The following IMPA1 variants were observed in gnomAD, a reference collection of about 807,000 sequenced individuals.
IMPA1 encodes the protein inositol monophosphatase 1, also known as D-galactose 1-phosphate phosphatase.
In IMPA1, 21 loss-of-function variants were observed where a neutral mutation model predicts 34.9. The ratio of observed to expected loss-of-function variants is 0.60; its 90% CI spans 0.43 to 0.87. The LOEUF is 0.87. Among genes scored for constraint, IMPA1 ranks in the 40% least tolerant of loss-of-function variants. The pLI is 0.00. For synonymous variants in IMPA1, 95 were observed against 104.4 expected (o/e 0.91, Z 0.55); for missense variants, 299 against 336.4 (o/e 0.89, Z 0.87).
intron 7 of IMPA1, among the ~76,000 whole-genome samples, chr8:81,670,028 G>A (rs1806942781): frequency 6.6e-6 from 1 of 152,148 alleles, no homozygotes; most frequent in East Asian, 1.9e-4. Flanking sequence ...CAGCAAGAAG[G>A]CCCTCATCAG....
rs1355915988 is a variant in IMPA1, at chr8:81,658,057, C to T, written c.*1294G>A. On this transcript the variant is annotated 3_prime_UTR_variant, in exon 9 of 9. Coordinates refer to ENST00000256108, the MANE Select transcript of IMPA1 (RefSeq NM_005536.4). ...AGATGTTTTAAGTACATGTGATCAA[C>T]AGTACAAATAATTATAGCAGTCAAA... 6.6e-6 allele frequency: 1 copy of T among 152,102 alleles called. No individual in the cohort carries two copies. 9.4% of individuals were successfully genotyped at this position (152,102 alleles called of 1,614,324 possible).
intron 7 of IMPA1, among the ~76,000 whole-genome samples, chr8:81,667,702 G>C (rs1274134296): frequency 6.6e-6 from 1 of 151,804 alleles, no homozygotes; most frequent in Admixed American, 6.6e-5. Flanking sequence ...ATAAAAATAG[G>C]AACAGTATTC....
intron 4 of IMPA1, among the ~76,000 whole-genome samples, chr8:81,678,120 A>C (rs1368235672): frequency 2.0e-5 from 3 of 152,176 alleles, no homozygotes; most frequent in Non-Finnish European, 4.4e-5. Flanking sequence ...AAGGTGAAAA[A>C]GCCGTAAAAA....
At chr8:81,663,251 A>G (rs1320236768) in intron 7 of IMPA1, among the ~76,000 whole-genome samples, 2 of 152,254 alleles carry the variant, frequency 1.3e-5, no homozygotes, top group Non-Finnish European at 2.9e-5. Context: ...CCTTGCTTCA[A>G]GACAGCACAC....
chr8:81,663,268 A>G (rs1806728997), intron 7 of IMPA1, among the ~76,000 whole-genome samples: 1 of 152,226 alleles, frequency 6.6e-6, no homozygotes, highest in Admixed American at 6.6e-5. Flanking sequence ...ACACTGTAGC[A>G]GCAAGTTTAT....
At chr8:81,659,753 G>T (rs1368690268) in intron 8 of IMPA1, among the ~76,000 whole-genome samples, 2 of 152,136 alleles carry the variant, frequency 1.3e-5, no homozygotes, top group African/African-American at 4.8e-5. Context: ...TCTATGGACA[G>T]AAAATGTGAA....
intron 4 of IMPA1, among the ~76,000 whole-genome samples, chr8:81,677,082 G>A (rs7819477): frequency 0.019 from 2,927 of 151,850 alleles, 90 homozygotes; most frequent in African/African-American, 0.067. Context: ...TGGTTAAAAA[G>A]CATATATTTT....
intron 3 of IMPA1, 131 bp from the exon 4 acceptor site, chr8:81,679,361 C>A: frequency 1.5e-6 from 1 of 648,230 alleles, no homozygotes; most frequent in South Asian, 1.8e-5. Flanking sequence ...CGCCTGTAAT[C>A]CCAGCACTTT....
At chr8:81,667,432 G>A (rs1027624300) in intron 7 of IMPA1, among the ~76,000 whole-genome samples, 6 of 152,132 alleles carry the variant, frequency 3.9e-5, no homozygotes, top group Non-Finnish European at 7.3e-5. Flanking sequence ...CCTTTTAAGA[G>A]GTATTAGGTC....
rs1806592172 is a variant in IMPA1, at chr8:81,659,087, A to G, written c.*264T>C. The G allele has an allele frequency of 2.4e-6, 1 of 424,234 alleles. No individual in the cohort carries two copies. The highest frequency in any genetic ancestry group is 2.9e-5 in the South Asian group (1 of 35,086). 26.3% of individuals were successfully genotyped at this position (424,234 alleles called of 1,614,324 possible). On this transcript the variant is annotated 3_prime_UTR_variant, in exon 9 of 9. Transcript: ENST00000256108. Reference sequence around the variant, plus strand: ...CACAAAATTGCTAATTGACTATTTCAGTTGATGTTATATTTATCAACTGTA... The same window carrying G: ...CACAAAATTGCTAATTGACTATTTCGGTTGATGTTATATTTATCAACTGTA...
At chr8:81,663,967 A>G (rs1236027740) in intron 7 of IMPA1, among the ~76,000 whole-genome samples, 1 of 152,176 alleles carries the variant, frequency 6.6e-6, no homozygotes, top group Non-Finnish European at 1.5e-5. Context: ...TGAACCCCGG[A>G]GGCGGAGGTT....
chr8:81,659,245 CAAAGAG>C lies in IMPA1; in HGVS notation c.*100_*105del. ...ACAAGTTCCAAATTTTTGACCTGGA[CAAAGAG>C]AATTTAAACCAAGCATATCATACAT... On this transcript the variant is annotated 3_prime_UTR_variant, in exon 9 of 9. Transcript: ENST00000256108. The C allele has an allele frequency of 2.8e-6, 2 of 719,540 alleles. No individual in the cohort carries two copies. Among genetic ancestry groups the C allele is most frequent in the Non-Finnish European group, 2.5e-6 (1 of 403,530 alleles). 44.6% of individuals were successfully genotyped at this position (719,540 alleles called of 1,614,324 possible). A position where few individuals can be genotyped will look rare whatever the true frequency, so the allele number is the denominator to read the frequency against.
At chr8:81,664,943 A>G (rs977592041) in intron 7 of IMPA1, among the ~76,000 whole-genome samples, 2 of 152,104 alleles carry the variant, frequency 1.3e-5, no homozygotes, top group African/African-American at 4.8e-5. Context: ...GAAATGAATG[A>G]TAAACAAGAC....
intron 6 of IMPA1, among the ~76,000 whole-genome samples, chr8:81,673,073 C>T (rs1807035853): frequency 6.6e-6 from 1 of 152,166 alleles, no homozygotes; most frequent in Non-Finnish European, 1.5e-5. Context: ...GAGCTACATA[C>T]CTCCCTTACA....
intron 1 of IMPA1, among the ~76,000 whole-genome samples, chr8:81,682,026 A>C (rs1807314713): frequency 6.6e-6 from 1 of 152,172 alleles, no homozygotes; most frequent in Non-Finnish European, 1.5e-5. Flanking sequence ...TGAAGAACTT[A>C]AGGTTCAGAG....
At chr8:81,679,290 A>G in intron 3 of IMPA1, 60 bp from the exon 4 acceptor site, 2 of 1,133,008 alleles carry the variant, frequency 1.8e-6, no homozygotes, top group Middle Eastern at 1.9e-4. Flanking sequence ...TTTCCAAATC[A>G]TAACATTTCC....
chr8:81,673,020 G>A (rs1404464133), intron 6 of IMPA1, among the ~76,000 whole-genome samples: 1 of 152,188 alleles, frequency 6.6e-6, no homozygotes, highest in Non-Finnish European at 1.5e-5. Flanking sequence ...AGGCAAACCT[G>A]CCTCCCATTT....
intron 1 of IMPA1, chr8:81,685,831 A>G: frequency 2.6e-6 from 4 of 1,551,040 alleles, no homozygotes; most frequent in Non-Finnish European, 3.5e-6. Flanking sequence ...ACAGCCTTCC[A>G]GCGTAGGAGC....
In IMPA1 at chr8:81,660,526, C is replaced by T; in HGVS notation, c.708G>A (p.Met236Ile). 1 of 1,613,606 alleles carries T rather than the reference C, an allele frequency of 6.2e-7. No homozygotes were observed. The highest frequency in any genetic ancestry group is 8.5e-7 in the Non-Finnish European group (1 of 1,179,642). Reference sequence around the variant, plus strand: ...TCTCCATAATTTTACCTGTAACATCCATTAGCACGCCACCAGCTTCAGTAA... The same window carrying T: ...TCTCCATAATTTTACCTGTAACATCTATTAGCACGCCACCAGCTTCAGTAA... ...IIVTEAGGVL[M>I]DVTGGPFDLM... Residue 236 changes from methionine (M) to isoleucine (I), a missense_variant, in exon 8 of 9, where the codon ATG becomes ATA. Coordinates refer to ENST00000256108, the MANE Select transcript of IMPA1 (RefSeq NM_005536.4).
Sources: allele counts gnomAD v4.1 joint callset (sites outside exome capture counted in the v4.1 genomes callset), GRCh38; gene constraint gnomAD v4.1.1; transcripts MANE v1.5; gene names NCBI Gene and HGNC (gene_info 2026-07-23, HGNC 2026-07-21).